Variants in ZNF385D observed in about 807,000 individuals in gnomAD.
ZNF385D encodes zinc finger protein 385D, also known as zinc finger protein 659.
Under a neutral mutation model 35.8 loss-of-function variants are expected in ZNF385D, and 15 were observed. The observed-to-expected ratio is 0.42, with a 90% CI of 0.28 to 0.64. ZNF385D has a LOEUF of 0.64. ZNF385D is among the 30% of genes least tolerant of loss of function. ZNF385D has a pLI of 0.23. For synonymous variants in ZNF385D, 212 were observed against 186.8 expected, an observed-to-expected ratio of 1.13 and a Z score of -1.10; for missense variants, 474 against 494.6, an observed-to-expected ratio of 0.96 and a Z score of 0.39.
intron 2 of ZNF385D, among the ~76,000 whole-genome samples, chr3:22,211,053 A>T (rs970314591): frequency 2.0e-5 from 3 of 151,958 alleles, no homozygotes; most frequent in Non-Finnish European, 4.4e-5. Flanking sequence ...AATCTTTTCT[A>T]AATTCTCCAA....
chr3:21,704,050 C>T (rs1274198406), intron 1 of ZNF385D, among the ~76,000 whole-genome samples: 1 of 152,182 alleles, frequency 6.6e-6, no homozygotes, highest in East Asian at 1.9e-4. Context: ...AATTGTTGTG[C>T]CCCTTTTTCA....
At chr3:22,123,110 G>A (rs1248625261) in intron 3 of ZNF385D, among the ~76,000 whole-genome samples, 1 of 152,068 alleles carries the variant, frequency 6.6e-6, no homozygotes, top group East Asian at 1.9e-4. Context: ...TGGATGATGA[G>A]TTGATAGATT....
chr3:22,347,143 A>G (rs560086393), intron 2 of ZNF385D, among the ~76,000 whole-genome samples: 20 of 152,340 alleles, frequency 1.3e-4, no homozygotes, highest in African/African-American at 4.8e-4. Context: ...ATTACCCTTT[A>G]CAAAAAAATG....
At chr3:22,020,185 G>T (rs1697139915) in intron 3 of ZNF385D, among the ~76,000 whole-genome samples, 1 of 151,748 alleles carries the variant, frequency 6.6e-6, no homozygotes, top group Non-Finnish European at 1.5e-5. Context: ...ACATGACAAG[G>T]AATTCTTAAA....
At chr3:21,453,318 CT>C (rs565212564) in intron 4 of ZNF385D, among the ~76,000 whole-genome samples, 70 of 151,900 alleles carry the variant, frequency 4.6e-4, no homozygotes, top group African/African-American at 1.7e-3. Flanking sequence ...GCAATGGTTT[CT>C]TAAAATGGAA....
At chr3:21,737,043 G>C (rs1207006442) in intron 1 of ZNF385D, among the ~76,000 whole-genome samples, 1 of 152,100 alleles carries the variant, frequency 6.6e-6, no homozygotes, top group Non-Finnish European at 1.5e-5. Flanking sequence ...GGGTTCAAGT[G>C]AATCTTCTGC....
chr3:21,880,043 A>G (rs1221493502), intron 3 of ZNF385D, among the ~76,000 whole-genome samples: 1 of 152,002 alleles, frequency 6.6e-6, no homozygotes, highest in Non-Finnish European at 1.5e-5. Context: ...ATGTAAAAAT[A>G]CTATGGGTAT....
intron 1 of ZNF385D, 28 bp downstream of exon 1, chr3:21,750,867 G>C: frequency 6.2e-7 from 1 of 1,613,792 alleles, no homozygotes; most frequent in South Asian, 1.1e-5. Flanking sequence ...GACACCCCCA[G>C]AATTACATCA....
chr3:22,015,700 T>C (rs1217906438), intron 3 of ZNF385D, among the ~76,000 whole-genome samples: 6 of 152,146 alleles, frequency 3.9e-5, no homozygotes, highest in Admixed American at 3.3e-4. Context: ...TCCTGGTCTT[T>C]GGTTTTTCTC....
At chr3:21,526,364 T>C (rs889962155) in intron 3 of ZNF385D, among the ~76,000 whole-genome samples, 1 of 152,146 alleles carries the variant, frequency 6.6e-6, no homozygotes, top group African/African-American at 2.4e-5. Flanking sequence ...TTCCTAAAAC[T>C]TGAGCTATTA....
chr3:21,536,874 G>A (rs921162615), intron 3 of ZNF385D, among the ~76,000 whole-genome samples: 1 of 151,878 alleles, frequency 6.6e-6, no homozygotes, highest in African/African-American at 2.4e-5. Flanking sequence ...CGCAGAAATC[G>A]GAGGGAAGAG....
chr3:21,626,166 C>A (rs1033209428), intron 2 of ZNF385D, among the ~76,000 whole-genome samples: 2 of 152,046 alleles, frequency 1.3e-5, no homozygotes, highest in African/African-American at 4.8e-5. Flanking sequence ...TATAAGAATT[C>A]TGAAATTTAT....
intron 3 of ZNF385D, among the ~76,000 whole-genome samples, chr3:21,935,284 C>G (rs1265891701): frequency 6.6e-6 from 1 of 152,102 alleles, no homozygotes; most frequent in Non-Finnish European, 1.5e-5. Flanking sequence ...TTCAATAAAA[C>G]AGATTCATTC....
At chr3:21,934,945 T>A (rs1701189252) in intron 3 of ZNF385D, among the ~76,000 whole-genome samples, 1 of 152,202 alleles carries the variant, frequency 6.6e-6, no homozygotes, top group Non-Finnish European at 1.5e-5. Flanking sequence ...TAGCTATGTC[T>A]TAGTTGATGT....
chr3:21,807,488 C>A (rs2072706948), intron 3 of ZNF385D, among the ~76,000 whole-genome samples: 1 of 152,002 alleles, frequency 6.6e-6, no homozygotes, highest in African/African-American at 2.4e-5. Flanking sequence ...ACAACAGAAA[C>A]TACAAAATTA....
intron 3 of ZNF385D, among the ~76,000 whole-genome samples, chr3:21,984,398 C>A (rs1350428000): frequency 8.1e-6 from 1 of 123,250 alleles, no homozygotes; most frequent in Non-Finnish European, 1.6e-5. Flanking sequence ...AGCCAGTTTT[C>A]CCAGCACCAT....
At chr3:21,871,164 C>T (rs1295800846) in intron 3 of ZNF385D, among the ~76,000 whole-genome samples, 1 of 152,104 alleles carries the variant, frequency 6.6e-6, no homozygotes, top group African/African-American at 2.4e-5. Flanking sequence ...GTCTTTGAGT[C>T]ACCAGACATG....
chr3:21,701,054 C>T (rs1425875702), intron 1 of ZNF385D, among the ~76,000 whole-genome samples: 2 of 152,160 alleles, frequency 1.3e-5, no homozygotes, highest in Non-Finnish European at 2.9e-5. Flanking sequence ...AATAAACAAT[C>T]TGAAGGCAGA....
At position 21,768,657 on chromosome 3, in the gene ZNF385D, TC is replaced by T. The variant is rs148705509; in HGVS notation, c.326-103630del. Among the ~76,000 whole-genome samples the T allele has an allele frequency of 1.4e-3, 213 of 152,110 alleles. 1 individual carries two copies. The highest frequency in any genetic ancestry group is 4.8e-3 in the African/African-American group (201 of 41,538). On this transcript the variant is annotated intron_variant, in intron 3 of 5. Coordinates refer to the ZNF385D transcript ENST00000494108. Reference sequence around the variant, plus strand: ...CAGGGTAGAAAAAAAGACTTTGTCTTCCAAATATTGGGAATATGTGCTTTGA... The same window carrying T: ...CAGGGTAGAAAAAAAGACTTTGTCTTCAAATATTGGGAATATGTGCTTTGA...
Sources: gnomAD v4.1 joint callset for allele counts (sites outside exome capture counted in the v4.1 genomes callset) on GRCh38, gnomAD v4.1.1 for gene constraint, MANE v1.5 for transcripts, NCBI Gene and HGNC (gene_info 2026-07-23, HGNC 2026-07-21) for gene names.